Variants in LRRC4C observed in about 807,000 individuals in gnomAD.
LRRC4C encodes leucine-rich repeat-containing protein 4C.
A neutral mutation model predicts 33.6 loss-of-function variants in LRRC4C; 5 were observed. That is an observed-to-expected ratio of 0.15 (90% confidence interval 0.08 to 0.31). The LOEUF (loss-of-function observed/expected upper bound fraction) is 0.31, where lower values mean the gene tolerates loss of function less well. Among genes scored for constraint, LRRC4C ranks in the 10% least tolerant of loss-of-function variants. The pLI is 1.00. For missense variants in LRRC4C, 560 were observed against 796.7 expected (o/e 0.70, Z 3.58); for synonymous variants, 329 against 302.0 (o/e 1.09, Z -0.93).
intron 2 of LRRC4C, among the ~76,000 whole-genome samples, chr11:40,823,689 A>G (rs1952038295): frequency 6.6e-6 from 1 of 151,824 alleles, no homozygotes; most frequent in Non-Finnish European, 1.5e-5. Context: ...ATAATATGAA[A>G]TGATAGCAAG....
At chr11:40,126,198 C>T (rs774069081) in intron 6 of LRRC4C, among the ~76,000 whole-genome samples, 1 of 148,010 alleles carries the variant, frequency 6.8e-6, no homozygotes, top group African/African-American at 2.5e-5. Flanking sequence ...TCTGCATTTT[C>T]ATTCTTCTAG....
At chr11:40,257,511 G>T (rs1482918954) in intron 4 of LRRC4C, among the ~76,000 whole-genome samples, 1 of 152,058 alleles carries the variant, frequency 6.6e-6, no homozygotes, top group Non-Finnish European at 1.5e-5. Context: ...ATGTGGCCAT[G>T]TGCTTCTGAG....
At chr11:40,392,746 A>G (rs1949385514) in intron 3 of LRRC4C, among the ~76,000 whole-genome samples, 1 of 152,164 alleles carries the variant, frequency 6.6e-6, no homozygotes, top group South Asian at 2.1e-4. Flanking sequence ...GAAGACAACC[A>G]AAGTGATGAA....
intron 2 of LRRC4C, among the ~76,000 whole-genome samples, chr11:40,709,484 G>T (rs1398327075): frequency 6.6e-6 from 1 of 152,108 alleles, no homozygotes; most frequent in Non-Finnish European, 1.5e-5. Context: ...GGCTGGATAT[G>T]AAATTCTGGG....
chr11:40,810,075 A>G (rs534013794), intron 2 of LRRC4C, among the ~76,000 whole-genome samples: 12 of 152,192 alleles, frequency 7.9e-5, no homozygotes, highest in Admixed American at 2.0e-4. Context: ...CCATTCCCTG[A>G]CTTCCTTGTT....
chr11:40,831,856 A>T (rs1183009524), intron 2 of LRRC4C, among the ~76,000 whole-genome samples: 1 of 152,128 alleles, frequency 6.6e-6, no homozygotes, highest in African/African-American at 2.4e-5. Context: ...GTTACCTCCC[A>T]CTGGGTCCCT....
At chr11:40,958,603 G>A (rs942618122) in intron 1 of LRRC4C, among the ~76,000 whole-genome samples, 1 of 151,642 alleles carries the variant, frequency 6.6e-6, no homozygotes, top group African/African-American at 2.4e-5. Context: ...TCATTTCTTT[G>A]ATTAAGGAAA....
intron 2 of LRRC4C, among the ~76,000 whole-genome samples, chr11:40,745,380 T>A (rs905752249): frequency 1.3e-5 from 2 of 152,152 alleles, no homozygotes; most frequent in Non-Finnish European, 2.9e-5. Flanking sequence ...AAAATATATA[T>A]TTTGGAAGGT....
intron 1 of LRRC4C, among the ~76,000 whole-genome samples, chr11:41,221,609 A>G (rs1947309696): frequency 6.6e-6 from 1 of 152,226 alleles, no homozygotes; most frequent in African/African-American, 2.4e-5. Flanking sequence ...GAATAAGTTC[A>G]TTGTATCACT....
At chr11:40,807,888 TGCCAGGGTGC>T (rs1464071092) in intron 2 of LRRC4C, among the ~76,000 whole-genome samples, 3 of 152,212 alleles carry the variant, frequency 2.0e-5, no homozygotes, top group Non-Finnish European at 4.4e-5. Flanking sequence ...CTCTTAACTC[TGCCAGGGTGC>T]AGTAGCCTAG....
chr11:40,239,841 C>A (rs1224350592), intron 5 of LRRC4C, among the ~76,000 whole-genome samples: 1 of 152,062 alleles, frequency 6.6e-6, no homozygotes, highest in East Asian at 1.9e-4. Flanking sequence ...GCATATAAAC[C>A]CCAACAAATG....
intron 1 of LRRC4C, among the ~76,000 whole-genome samples, chr11:41,197,026 C>T (rs1946207140): frequency 1.3e-5 from 2 of 151,976 alleles, no homozygotes; most frequent in Admixed American, 6.6e-5. Context: ...CCAGCCTAAA[C>T]ATTAAGAATA....
intron 3 of LRRC4C, among the ~76,000 whole-genome samples, chr11:40,628,885 GATTA>G (rs1296027741): frequency 2.6e-5 from 4 of 152,096 alleles, no homozygotes; most frequent in Non-Finnish European, 5.9e-5. Context: ...TTAGTACATT[GATTA>G]ATTTTCTTAT....
intron 3 of LRRC4C, among the ~76,000 whole-genome samples, chr11:40,351,285 T>C (rs1427331672): frequency 6.6e-6 from 1 of 152,096 alleles, no homozygotes; most frequent in Non-Finnish European, 1.5e-5. Flanking sequence ...GATTTTTTTT[T>C]TTTGAAATTT....
At chr11:41,273,380 A>G (rs1036342017) in intron 1 of LRRC4C, among the ~76,000 whole-genome samples, 1 of 152,188 alleles carries the variant, frequency 6.6e-6, no homozygotes, top group African/African-American at 2.4e-5. Context: ...TACATAATAA[A>G]ATATGTGGAT....
At chr11:40,287,493 A>G (rs1943924647) in intron 4 of LRRC4C, among the ~76,000 whole-genome samples, 1 of 152,118 alleles carries the variant, frequency 6.6e-6, no homozygotes. Flanking sequence ...CTTGCCAGCC[A>G]TTCTTCTGAG....
chr11:40,284,362 T>C (rs1943691745), intron 4 of LRRC4C, among the ~76,000 whole-genome samples: 1 of 152,162 alleles, frequency 6.6e-6, no homozygotes, highest in African/African-American at 2.4e-5. Flanking sequence ...TCTAAAAACA[T>C]ATTTCAAGAA....
chr11:40,820,150 C>A (rs189309610), intron 2 of LRRC4C, among the ~76,000 whole-genome samples: 5 of 151,742 alleles, frequency 3.3e-5, no homozygotes, highest in Admixed American at 1.3e-4. Context: ...TTAAAGGGAT[C>A]GAAATAGAAA....
At chr11:40,994,155 C>T (rs913216538) in intron 1 of LRRC4C, among the ~76,000 whole-genome samples, 1 of 151,710 alleles carries the variant, frequency 6.6e-6, no homozygotes, top group Non-Finnish European at 1.5e-5. Flanking sequence ...TGACACTTTG[C>T]ATTTCAGAAT....
Sources: gnomAD v4.1 joint callset for allele counts (sites outside exome capture counted in the v4.1 genomes callset) on GRCh38, gnomAD v4.1.1 for gene constraint, MANE v1.5 for transcripts, NCBI Gene and HGNC (gene_info 2026-07-23, HGNC 2026-07-21) for gene names.